Variants in PTPRS observed in about 807,000 individuals in gnomAD.
PTPRS encodes receptor-type tyrosine-protein phosphatase S.
Under a neutral mutation model 215.3 loss-of-function variants are expected in PTPRS, and 63 were observed. The observed-to-expected ratio is 0.29, with a 90% CI of 0.24 to 0.36. PTPRS has a LOEUF of 0.36. Ranked by LOEUF, PTPRS falls within the 10% of genes least tolerant of loss-of-function variation. PTPRS has a pLI of 1.00. For missense variants in PTPRS, 2,258 were observed against 2,825.8 expected, an observed-to-expected ratio of 0.80 and a Z score of 4.56; for synonymous variants, 1,404 against 1,191.4, an observed-to-expected ratio of 1.18 and a Z score of -3.68.
chr19:5,291,070 C>T (rs551826312), intron 1 of PTPRS, among the ~76,000 whole-genome samples: 2 of 152,056 alleles, frequency 1.3e-5, no homozygotes, highest in African/African-American at 4.8e-5. Context: ...GTGGGGCTGG[C>T]CCTTCCCGGA....
At chr19:5,329,327 G>A (rs114236041) in intron 1 of PTPRS, among the ~76,000 whole-genome samples, 7,740 of 152,168 alleles carry the variant, frequency 0.051, 239 homozygotes, top group Admixed American at 0.072. Context: ...CACACAGCTC[G>A]TAAGGGGCAA....
intron 1 of PTPRS, among the ~76,000 whole-genome samples, chr19:5,290,783 C>A (rs1352654509): frequency 6.6e-6 from 1 of 152,022 alleles, no homozygotes; most frequent in Non-Finnish European, 1.5e-5. Flanking sequence ...CCTGACCCTG[C>A]ACAATCTCTC....
At chr19:5,327,198 T>C (rs1331546027) in intron 1 of PTPRS, among the ~76,000 whole-genome samples, 1 of 152,090 alleles carries the variant, frequency 6.6e-6, no homozygotes, top group Non-Finnish European at 1.5e-5. Context: ...CGCAACTCAA[T>C]ACCCCGGACA....
intron 1 of PTPRS, among the ~76,000 whole-genome samples, chr19:5,296,897 G>A (rs1297235994): frequency 6.6e-6 from 1 of 152,164 alleles, no homozygotes; most frequent in South Asian, 2.1e-4. Context: ...GGCAGACTGT[G>A]GGGGATGACT....
chr19:5,292,479 C>T (rs1176479599), intron 1 of PTPRS, among the ~76,000 whole-genome samples: 1 of 152,152 alleles, frequency 6.6e-6, no homozygotes, highest in Admixed American at 6.5e-5. Context: ...GGTCCTGGAA[C>T]GGCTTAGAGC....
In PTPRS at chr19:5,244,010, G is replaced by A. The variant is rs756488886; in HGVS notation, c.1461C>T (p.Thr487=). The part of the protein sequence containing the change: ...KHNVDDSLLT[T]VGSLLEDETY... The stretch of plus-strand genomic sequence containing the variant: ...TCTCGTCCTCCAGCAGGCTGCCCAC[G>A]GTGGTCAGCAGGCTGTCGTCCACGT... The change falls in exon 11 of 38, where the codon ACC becomes ACT. Residue 487 remains threonine (T), a synonymous_variant. Transcript: ENST00000262963. The surrounding 1 kb of genome is among the most constrained non-coding windows in gnomAD (Gnocchi z 7.2). The A allele has an allele frequency of 2.6e-5, 37 of 1,432,904 alleles. No homozygotes were observed. The highest frequency in any genetic ancestry group is 3.3e-5 in the South Asian group (2 of 61,278). The allele number at this position is 1,432,904 out of a possible 1,614,324, so 88.8% of individuals were successfully genotyped here. A position where few individuals can be genotyped will look rare whatever the true frequency, so the allele number is the denominator to read the frequency against.
intron 8 of PTPRS, among the ~76,000 whole-genome samples, chr19:5,256,340 A>G (rs1484474543): frequency 1.3e-5 from 2 of 152,178 alleles, no homozygotes; most frequent in East Asian, 3.9e-4. Flanking sequence ...TCAACATACA[A>G]GATCTACTAC....
intron 2 of PTPRS, among the ~76,000 whole-genome samples, chr19:5,284,664 T>C (rs1254750222): frequency 1.3e-5 from 2 of 152,044 alleles, no homozygotes; most frequent in Non-Finnish European, 2.9e-5. Context: ...AGCATGAGGC[T>C]GGATGCCGTG....
At chr19:5,211,932 C>G in intron 32 of PTPRS, 33 bp downstream of exon 32, 2 of 1,554,814 alleles carry the variant, frequency 1.3e-6, no homozygotes, top group Non-Finnish European at 1.7e-6. Flanking sequence ...CTCCTCCCCA[C>G]CCCGCCCACA....
At chr19:5,283,104 T>C (rs1015237228) in intron 2 of PTPRS, among the ~76,000 whole-genome samples, 1 of 152,306 alleles carries the variant, frequency 6.6e-6, no homozygotes, top group South Asian at 2.1e-4. Flanking sequence ...GTTTTTCCAT[T>C]TCAGATTCTG....
At position 5,206,661 on chromosome 19, in the gene PTPRS, T is replaced by C; in HGVS notation, c.*113A>G. ...GGAAATGGTGCAGAAACACAGCTGC[T>C]GCCGCTGCCACCTCCTGCCCTGCCC... is the stretch of plus-strand genomic sequence containing the variant. On this transcript the variant is annotated 3_prime_UTR_variant, in exon 38 of 38. Transcript: ENST00000262963. 2.3e-6 allele frequency: 2 copies of C among 876,672 alleles called. No individual in the cohort carries two copies. The highest frequency in any genetic ancestry group is 4.1e-5 in the Admixed American group (2 of 48,358). 54.3% of individuals were successfully genotyped at this position (876,672 alleles called of 1,614,324 possible).
chr19:5,271,598 C>A (rs887737027), intron 4 of PTPRS, among the ~76,000 whole-genome samples: 22 of 152,176 alleles, frequency 1.4e-4, no homozygotes, highest in East Asian at 3.9e-4. Flanking sequence ...CAGGGTTTCA[C>A]CATGTTGGCC....
At chr19:5,303,477 T>C (rs1327191792) in intron 1 of PTPRS, among the ~76,000 whole-genome samples, 1 of 152,146 alleles carries the variant, frequency 6.6e-6, no homozygotes, top group African/African-American at 2.4e-5. Context: ...TCAGGGCTTC[T>C]GTTCTGGGGA....
chr19:5,327,773 T>C (rs2050208787), intron 1 of PTPRS, among the ~76,000 whole-genome samples: 1 of 151,870 alleles, frequency 6.6e-6, no homozygotes, highest in African/African-American at 2.4e-5. Flanking sequence ...GCTAATTTTT[T>C]TACTTTTTAT....
chr19:5,248,245 C>T (rs1228354394), intron 9 of PTPRS, among the ~76,000 whole-genome samples: 1 of 151,892 alleles, frequency 6.6e-6, no homozygotes, highest in East Asian at 1.9e-4. Flanking sequence ...GACAGAAAAA[C>T]GGTATCGACG....
rs192492135 is a variant in PTPRS at position 5,294,657 on chromosome 19, C to A, written c.-94-8423G>T. ...ATCTCCTTCAAACATCGAATAAATG[C>A]CTCCCTCACTGGGGGATACCACACT... is the stretch of plus-strand genomic sequence containing the variant. On this transcript the variant is annotated intron_variant, in intron 1 of 37. Transcript: ENST00000262963. This position sits in a 1 kb window ranked among gnomAD's most constrained non-coding sequence, Gnocchi z 5.1. The A allele has an allele frequency of 6.6e-6, 1 of 152,316 alleles. No individual in the cohort carries two copies. Among genetic ancestry groups the A allele is most frequent in the Non-Finnish European group, 1.5e-5 (1 of 68,044 alleles). 9.4% of individuals were successfully genotyped at this position (152,316 alleles called of 1,614,324 possible).
chr19:5,299,784 C>T (rs774111700), intron 1 of PTPRS, among the ~76,000 whole-genome samples: 3 of 151,988 alleles, frequency 2.0e-5, no homozygotes, highest in East Asian at 1.9e-4. Context: ...GCAGGAGAAT[C>T]GCTTGAACCT....
At chr19:5,267,267 T>A in intron 4 of PTPRS, among the ~76,000 whole-genome samples, 1 of 152,004 alleles carries the variant, frequency 6.6e-6, no homozygotes, top group Non-Finnish European at 1.5e-5. Flanking sequence ...AATCTCCTGG[T>A]CCCAGAGCTC....
At chr19:5,214,961 C>T (rs543741991) in intron 28 of PTPRS, among the ~76,000 whole-genome samples, 1 of 152,388 alleles carries the variant, frequency 6.6e-6, no homozygotes, top group Admixed American at 6.5e-5. Flanking sequence ...TGCTGAGCAG[C>T]ATCCCTGGCC....
Sources: allele counts gnomAD v4.1 joint callset (sites outside exome capture counted in the v4.1 genomes callset), GRCh38; gene constraint gnomAD v4.1.1; non-coding constraint Gnocchi (gnomAD v3.1); transcripts MANE v1.5; gene names NCBI Gene and HGNC (gene_info 2026-07-23, HGNC 2026-07-21).